VWDE: variants seen among roughly 807,000 people sequenced by gnomAD.
The protein encoded by VWDE is von Willebrand factor D and EGF domain-containing protein.
In VWDE, 207 loss-of-function variants were observed where a neutral mutation model predicts 178.4. The observed-to-expected ratio is 1.16, with a 90% CI of 1.04 to 1.30. VWDE has a LOEUF of 1.30. Among genes scored for constraint, VWDE ranks in the 50% most tolerant of loss-of-function variants. VWDE has a pLI of 0.00. For synonymous variants in VWDE, 738 were observed against 651.4 expected (o/e 1.13, Z -2.02); for missense variants, 2,287 against 1,901.3 (o/e 1.20, Z -3.77).
intron 19 of VWDE, among the ~76,000 whole-genome samples, chr7:12,345,573 C>T (rs1182708558): frequency 6.6e-6 from 1 of 152,126 alleles, no homozygotes; most frequent in Non-Finnish European, 1.5e-5. Flanking sequence ...ATGACACAAA[C>T]TCATCTTCAT....
chr7:12,381,581 T>C (rs1783852964), intron 4 of VWDE, among the ~76,000 whole-genome samples: 1 of 152,064 alleles, frequency 6.6e-6, no homozygotes, highest in Non-Finnish European at 1.5e-5. Flanking sequence ...AATGTACTTT[T>C]AGATATTTTA....
chr7:12,400,556 A>T (rs951322354), intron 1 of VWDE, among the ~76,000 whole-genome samples: 1 of 152,164 alleles, frequency 6.6e-6, no homozygotes, highest in Non-Finnish European at 1.5e-5. Flanking sequence ...CAAATCAGTC[A>T]AAAAACTACC....
intron 21 of VWDE, among the ~76,000 whole-genome samples, chr7:12,343,653 C>A (rs1205188823): frequency 1.3e-5 from 2 of 152,142 alleles, no homozygotes. Flanking sequence ...TACCTTTTCA[C>A]ATATTATTTT....
intron 25 of VWDE, 32 bp from the exon 26 acceptor site, chr7:12,337,115 A>C: frequency 6.4e-7 from 1 of 1,551,484 alleles, no homozygotes. Context: ...GTCAGCCCTT[A>C]AATTCAACAG....
At chr7:12,384,368 A>G (rs1038317852) in intron 3 of VWDE, among the ~76,000 whole-genome samples, 1 of 152,006 alleles carries the variant, frequency 6.6e-6, no homozygotes, top group Admixed American at 6.6e-5. Flanking sequence ...GAACAGGCAG[A>G]GCATAGGCAA....
chr7:12,374,857 A>G, intron 8 of VWDE, 95 bp from the exon 9 acceptor site: 1 of 1,142,338 alleles, frequency 8.8e-7, no homozygotes, highest in Non-Finnish European at 1.2e-6. Context: ...CTTTCAATTA[A>G]TTATTGTTTT....
chr7:12,377,688 G>A (rs1015566707), intron 7 of VWDE, 88 bp downstream of exon 7: 54 of 774,088 alleles, frequency 7.0e-5, no homozygotes, highest in Middle Eastern at 8.1e-4. Context: ...TTTATTATAT[G>A]AGTACACTCC....
Position 12,356,267 on chromosome 7 carries a change from G to A in VWDE, c.3589C>T (p.Pro1197Ser). 1.1e-5 allele frequency: 17 copies of A among 1,551,494 alleles called. No individual in the cohort carries two copies. The highest frequency in any genetic ancestry group is 1.3e-5 in the Non-Finnish European group (15 of 1,146,964). Reference sequence around the variant, plus strand: ...ACACACAGGTACACTCCACTCCCTGGAGAAAAGTTCCTATCAGATACACAT... The same window carrying A: ...ACACACAGGTACACTCCACTCCCTGAAGAAAAGTTCCTATCAGATACACAT... ...GSCVSDRNFS[P>S]GSGVYLCVCL... The change falls in exon 18 of 29, where the codon CCA becomes TCA. Residue 1197 changes from proline to serine, a missense_variant. Physicochemically the swap from Pro to Ser is moderately conservative, Grantham distance 74. Transcript: ENST00000275358.
Position 12,348,428 on chromosome 7 carries a change from C to T in VWDE, c.3886+3145G>A, listed in dbSNP as rs1205809761. On this transcript the variant is annotated intron_variant, in intron 19 of 28. Transcript: ENST00000275358. The stretch of plus-strand genomic sequence containing the variant: ...AAAGTGGTTGAAGGACATGAACAGA[C>T]ACTTCTCAAAAGAAGACATTTATGC... Among the ~76,000 whole-genome samples, 3 of 113,914 alleles carry T rather than the reference C, an allele frequency of 2.6e-5. No individual in the cohort carries two copies. In the East Asian group the frequency reaches 7.3e-4, roughly 28 times the overall value. The allele number at this position is 113,914 out of a possible 152,430, so 74.7% of individuals were successfully genotyped here.
chr7:12,371,944 A>G (rs1783227827), intron 10 of VWDE, among the ~76,000 whole-genome samples: 1 of 152,124 alleles, frequency 6.6e-6, no homozygotes, highest in Admixed American at 6.6e-5. Context: ...TTTTACAATA[A>G]ATTTCCAGAA....
intron 12 of VWDE, among the ~76,000 whole-genome samples, chr7:12,369,210 G>A (rs1181447336): frequency 6.6e-6 from 1 of 152,084 alleles, no homozygotes. Context: ...GTGTGTAAAG[G>A]CCCTGAGGTT....
chr7:12,346,802 T>G (rs1290640634), intron 19 of VWDE, among the ~76,000 whole-genome samples: 1 of 152,114 alleles, frequency 6.6e-6, no homozygotes, highest in Non-Finnish European at 1.5e-5. Flanking sequence ...TTTTGCACTG[T>G]CTTCATGCAA....
chr7:12,395,808 T>A (rs980776269), intron 1 of VWDE, among the ~76,000 whole-genome samples: 3 of 152,262 alleles, frequency 2.0e-5, no homozygotes, highest in South Asian at 2.1e-4. Context: ...CTAGAATGCA[T>A]GATACAGTTA....
At chr7:12,392,459 G>C (rs6970961) in intron 2 of VWDE, among the ~76,000 whole-genome samples, 60,476 of 151,906 alleles carry the variant, frequency 0.4, 12,396 homozygotes, top group African/African-American at 0.48. Flanking sequence ...GTCGAAGTAT[G>C]ATAAGTAGAA....
intron 3 of VWDE, among the ~76,000 whole-genome samples, chr7:12,387,829 T>C (rs1022413616): frequency 1.4e-4 from 21 of 152,128 alleles, no homozygotes; most frequent in Admixed American, 9.8e-4. Context: ...CCCGGAACTT[T>C]CAGTGTCCTA....
intron 19 of VWDE, among the ~76,000 whole-genome samples, chr7:12,347,914 A>C (rs1781700102): frequency 6.6e-6 from 1 of 152,088 alleles, no homozygotes; most frequent in Non-Finnish European, 1.5e-5. Flanking sequence ...CTCAGAAATA[A>C]CGCCGCGTAT....
intron 10 of VWDE, among the ~76,000 whole-genome samples, chr7:12,372,380 T>G (rs1583319923): frequency 6.6e-6 from 1 of 152,156 alleles, no homozygotes; most frequent in African/African-American, 2.4e-5. Flanking sequence ...AAACAGAAAC[T>G]TAAATTTTTA....
In VWDE at chr7:12,332,137, A is replaced by G. The variant is rs891207365; in HGVS notation, c.4759-940T>C. On this transcript the variant is annotated intron_variant, in intron 28 of 28. Coordinates refer to ENST00000275358, the MANE Select transcript of VWDE (RefSeq NM_001135924.3). ...TTGCTTTTTTCCCCACTAAAGAGAA[A>G]TTTATGTTTTAACCTATGTGTGGGA... is the stretch of plus-strand genomic sequence containing the variant. 2.6e-5 allele frequency among the ~76,000 whole-genome samples: 4 copies of G among 151,942 alleles called. No homozygotes were observed. The East Asian group carries it at 7.8e-4, about 29-fold the overall frequency.
Position 12,375,189 on chromosome 7 carries a change from A to G in VWDE, c.1063T>C (p.Cys355Arg). 9 of 1,551,174 alleles carry G rather than the reference A, an allele frequency of 5.8e-6. No individual in the cohort carries two copies. In the South Asian group the frequency reaches 1.1e-4, roughly 18 times the overall value. ...HLGLNLALSS[C>R]HVDLLQTSSC... is the part of the protein sequence containing the mutation. ...GATGTCTGGAGAAGGTCCACATGAC[A>G]GGAAGACAGTGCCAAATTTAAGCCT... Residue 355 changes from cysteine (C) to arginine (R), a missense_variant, in exon 8 of 29, where the codon TGT becomes CGT. Cys to Arg is a radical substitution (Grantham distance 180, BLOSUM62 -3). Coordinates refer to ENST00000275358, the MANE Select transcript of VWDE (RefSeq NM_001135924.3).
Sources: allele counts gnomAD v4.1 joint callset (sites outside exome capture counted in the v4.1 genomes callset), GRCh38; gene constraint gnomAD v4.1.1; transcripts MANE v1.5; gene names NCBI Gene and HGNC (gene_info 2026-07-23, HGNC 2026-07-21).